SLC8A1: variants seen among roughly 807,000 people sequenced by gnomAD.
SLC8A1 encodes the protein sodium/calcium exchanger 1.
Under a neutral mutation model 68.3 loss-of-function variants are expected in SLC8A1, and 18 were observed. The ratio of observed to expected loss-of-function variants is 0.26; its 90% confidence interval spans 0.18 to 0.39. The LOEUF (loss-of-function observed/expected upper bound fraction) is 0.39. Among genes scored for constraint, SLC8A1 ranks in the 10% least tolerant of loss-of-function variants. The pLI is 1.00. For missense variants in SLC8A1, 985 were observed against 1,156.7 expected, an observed-to-expected ratio of 0.85 and a Z score of 2.15; for synonymous variants, 475 against 415.5, an observed-to-expected ratio of 1.14 and a Z score of -1.74.
At chr2:40,482,937 C>A (rs929285009) in intron 1 of SLC8A1, among the ~76,000 whole-genome samples, 2 of 150,958 alleles carry the variant, frequency 1.3e-5, no homozygotes, top group Non-Finnish European at 3.0e-5. Context: ...ACTACAGGCG[C>A]CCGCCACCAC....
At chr2:40,149,268 T>G (rs2042993649) in intron 6 of SLC8A1, among the ~76,000 whole-genome samples, 1 of 152,238 alleles carries the variant, frequency 6.6e-6, no homozygotes, top group African/African-American at 2.4e-5. Context: ...AACTTATGTA[T>G]CAGGCACAGT....
chr2:40,300,542 C>T (rs1008517384), intron 2 of SLC8A1, among the ~76,000 whole-genome samples: 10 of 152,176 alleles, frequency 6.6e-5, no homozygotes, highest in East Asian at 1.9e-4. Flanking sequence ...TGAAACAAGA[C>T]ATGCATGGTA....
chr2:40,414,375 AGT>A (rs1424757667), intron 2 of SLC8A1, among the ~76,000 whole-genome samples: 1 of 152,190 alleles, frequency 6.6e-6, no homozygotes, highest in East Asian at 1.9e-4. Context: ...TTAATGTGAC[AGT>A]GTGTCTGATG....
chr2:40,136,412 A>G (rs1480627710), intron 7 of SLC8A1, among the ~76,000 whole-genome samples: 1 of 152,206 alleles, frequency 6.6e-6, no homozygotes, highest in East Asian at 1.9e-4. Context: ...AACACTTTTG[A>G]TGAGATATAT....
At chr2:40,173,924 G>A (rs543990592) in intron 4 of SLC8A1, among the ~76,000 whole-genome samples, 12 of 152,290 alleles carry the variant, frequency 7.9e-5, no homozygotes, top group African/African-American at 2.9e-4. Context: ...AACAGAGGAT[G>A]CTGTAAGGAA....
At chr2:40,138,186 T>C (rs2040883346) in intron 7 of SLC8A1, among the ~76,000 whole-genome samples, 1 of 152,178 alleles carries the variant, frequency 6.6e-6, no homozygotes, top group African/African-American at 2.4e-5. Flanking sequence ...TGAAGTAACT[T>C]GGCCACAGTC....
At chr2:40,337,152 T>C (rs1178103520) in intron 2 of SLC8A1, among the ~76,000 whole-genome samples, 1 of 152,194 alleles carries the variant, frequency 6.6e-6, no homozygotes, top group Non-Finnish European at 1.5e-5. Context: ...GTGCTGACCA[T>C]AGTTTACAGT....
intron 1 of SLC8A1, among the ~76,000 whole-genome samples, chr2:40,507,821 A>G (rs1246916241): frequency 6.6e-6 from 1 of 152,112 alleles, no homozygotes; most frequent in African/African-American, 2.4e-5. Context: ...CTTCATACAT[A>G]TCAAGATAGT....
upstream of SLC8A1, among the ~76,000 whole-genome samples, chr2:40,455,782 T>A (rs1329779639): frequency 6.6e-6 from 1 of 152,208 alleles, no homozygotes; most frequent in Non-Finnish European, 1.5e-5. Context: ...AGTTAAACTT[T>A]TACTTCTCTG....
Position 40,213,929 on chromosome 2 carries a change from C to G in SLC8A1, c.1809-36074G>C, listed in dbSNP as rs1208855090. Among the ~76,000 whole-genome samples, 6 of 152,264 alleles carry G rather than the reference C, an allele frequency of 3.9e-5. No homozygotes were observed. In the East Asian group the frequency reaches 1.2e-3, roughly 29 times the overall value. ...AATCTCTGCTTTCCTAAAAGAAAAACAGTAACCACACCACCTTTCAATTAA... is the reference window on the plus strand; with the variant it reads ...AATCTCTGCTTTCCTAAAAGAAAAAGAGTAACCACACCACCTTTCAATTAA... On this transcript the variant is annotated intron_variant, in intron 2 of 7. Coordinates refer to ENST00000406785, the Ensembl canonical transcript of SLC8A1.
intron 1 of SLC8A1, among the ~76,000 whole-genome samples, chr2:40,462,165 C>T (rs1346697941): frequency 6.6e-6 from 1 of 151,596 alleles, no homozygotes; most frequent in African/African-American, 2.4e-5. Flanking sequence ...CACCACCACA[C>T]CTGGCTAATT....
At chr2:40,213,131 C>T (rs1450779030) in intron 2 of SLC8A1, 1 of 152,172 alleles carries the variant, frequency 6.6e-6, no homozygotes, top group African/African-American at 2.4e-5. Context: ...AGTTAGATGA[C>T]TTCAGAAATG....
intron 7 of SLC8A1, among the ~76,000 whole-genome samples, chr2:40,138,623 C>G (rs2040973127): frequency 6.6e-6 from 1 of 152,158 alleles, no homozygotes; most frequent in Non-Finnish European, 1.5e-5. Context: ...TGGGCCCTGT[C>G]ACTCCTAGAT....
At chr2:40,358,977 G>A (rs994810695) in intron 2 of SLC8A1, among the ~76,000 whole-genome samples, 1 of 152,108 alleles carries the variant, frequency 6.6e-6, no homozygotes, top group Non-Finnish European at 1.5e-5. Context: ...GAGAAGGTGC[G>A]GGGGTGGATG....
At chr2:40,500,495 T>C (rs949751772) in intron 1 of SLC8A1, among the ~76,000 whole-genome samples, 2 of 152,116 alleles carry the variant, frequency 1.3e-5, no homozygotes, top group Non-Finnish European at 2.9e-5. Context: ...TGCTAGTTTG[T>C]TCATTCATAA....
At chr2:40,214,949 A>T (rs564604919) in intron 2 of SLC8A1, among the ~76,000 whole-genome samples, 1 of 152,308 alleles carries the variant, frequency 6.6e-6, no homozygotes, top group East Asian at 1.9e-4. Context: ...TTACCGGATC[A>T]ATTCTCATGG....
chr2:40,419,727 C>T (rs1406455142), intron 2 of SLC8A1, among the ~76,000 whole-genome samples: 2 of 152,044 alleles, frequency 1.3e-5, no homozygotes, highest in Non-Finnish European at 2.9e-5. Flanking sequence ...TCTTTAATTG[C>T]GCCCTAAGAA....
intron 6 of SLC8A1, among the ~76,000 whole-genome samples, chr2:40,142,077 C>T (rs897490252): frequency 1.1e-4 from 16 of 152,188 alleles, no homozygotes; most frequent in Admixed American, 6.5e-5. Flanking sequence ...TACAGCAGCC[C>T]TTCAGAAGCC....
At chr2:40,215,643 C>CAAAA (rs56191722) in intron 2 of SLC8A1, among the ~76,000 whole-genome samples, 2 of 69,922 alleles carry the variant, frequency 2.9e-5, no homozygotes, top group African/African-American at 1.1e-4. Flanking sequence ...GACTCCGTCT[C>CAAAA]AAAAAAAAAA....
Sources: allele counts gnomAD v4.1 joint callset (sites outside exome capture counted in the v4.1 genomes callset), GRCh38; gene constraint gnomAD v4.1.1; transcripts MANE v1.5; gene names NCBI Gene and HGNC (gene_info 2026-07-23, HGNC 2026-07-21).